Variants in KHDRBS3 observed in about 807,000 individuals in gnomAD.
KHDRBS3 encodes the protein KH domain-containing, RNA-binding, signal transduction-associated protein 3.
KHDRBS3 carries 23 observed loss-of-function variants against 45.6 expected under a neutral mutation model. The ratio of observed to expected loss-of-function variants is 0.50; its 90% CI spans 0.36 to 0.72. The LOEUF (loss-of-function observed/expected upper bound fraction) is 0.72. Ranked by LOEUF, KHDRBS3 falls within the 30% of genes least tolerant of loss-of-function variation. The pLI is 0.00. For missense variants in KHDRBS3, 352 were observed against 424.8 expected (o/e 0.83, Z 1.51); for synonymous variants, 162 against 156.5 (o/e 1.04, Z -0.26).
chr8:135,504,083 T>G (rs1347717799), intron 1 of KHDRBS3, among the ~76,000 whole-genome samples: 1 of 152,138 alleles, frequency 6.6e-6, no homozygotes, highest in African/African-American at 2.4e-5. Context: ...CTGACTTGCT[T>G]TTTGCTTTTT....
intron 1 of KHDRBS3, among the ~76,000 whole-genome samples, chr8:135,485,390 G>C (rs186026813): frequency 3.2e-4 from 49 of 152,254 alleles, no homozygotes; most frequent in African/African-American, 1.1e-3. Flanking sequence ...GAGTTTGCCA[G>C]GTATCTACAC....
chr8:135,633,111 G>T (rs143957216), intron 7 of KHDRBS3, among the ~76,000 whole-genome samples: 1 of 152,236 alleles, frequency 6.6e-6, no homozygotes, highest in Non-Finnish European at 1.5e-5. Flanking sequence ...ATAGTTTATT[G>T]TCTGTCTTTC....
intron 5 of KHDRBS3, among the ~76,000 whole-genome samples, chr8:135,562,582 A>G (rs1827220735): frequency 6.6e-6 from 1 of 152,208 alleles, no homozygotes; most frequent in African/African-American, 2.4e-5. Context: ...GGTGGTAACT[A>G]ATGCCCAACT....
At chr8:135,521,405 G>T in intron 2 of KHDRBS3, 50 bp downstream of exon 2, 1 of 976,526 alleles carries the variant, frequency 1.0e-6, no homozygotes, top group South Asian at 1.4e-5. Flanking sequence ...AATCAAAGGG[G>T]AGCAGATGTT....
intron 1 of KHDRBS3, among the ~76,000 whole-genome samples, chr8:135,502,659 C>T (rs73371493): frequency 6.6e-6 from 1 of 152,262 alleles, no homozygotes; most frequent in African/African-American, 2.4e-5. Context: ...GTTTATTGAG[C>T]TCAGCGATGC....
At chr8:135,478,743 C>A (rs1246888464) in intron 1 of KHDRBS3, among the ~76,000 whole-genome samples, 1 of 152,108 alleles carries the variant, frequency 6.6e-6, no homozygotes, top group Non-Finnish European at 1.5e-5. Context: ...CAAAAAAGAA[C>A]TCATAAGTGA....
At chr8:135,522,456 T>C (rs1475829662) in intron 2 of KHDRBS3, among the ~76,000 whole-genome samples, 1 of 152,244 alleles carries the variant, frequency 6.6e-6, no homozygotes, top group African/African-American at 2.4e-5. Flanking sequence ...AAAATTGTTG[T>C]GTATTTAGTA....
chr8:135,542,703 G>T lies in KHDRBS3; in HGVS notation c.257G>T (p.Arg86Leu). 1.2e-6 allele frequency: 2 copies of T among 1,613,796 alleles called. No individual in the cohort carries two copies. The highest frequency in any genetic ancestry group is 1.7e-6 in the Non-Finnish European group (2 of 1,179,816). ...GGTCCACGTGGCAATTCTCTGAAGC[G>T]TTTACAAGAAGAAACCTTGACAAAA... ...LLGPRGNSLK[R>L]LQEETLTKMS... is the part of the protein sequence containing the mutation. The change falls in exon 3 of 9, where the codon CGT becomes CTT. Residue 86 changes from arginine to leucine, a missense_variant. Arg to Leu is a moderately radical substitution (Grantham distance 102). Coordinates refer to ENST00000355849, the MANE Select transcript of KHDRBS3 (RefSeq NM_006558.3).
intron 7 of KHDRBS3, among the ~76,000 whole-genome samples, chr8:135,636,164 G>A (rs905530999): frequency 7.2e-5 from 11 of 152,168 alleles, no homozygotes; most frequent in African/African-American, 2.7e-4. Context: ...GGAAAAGGCA[G>A]CTAGTTGGCC....
chr8:135,584,694 G>C (rs1193704759), intron 6 of KHDRBS3, among the ~76,000 whole-genome samples: 1 of 152,142 alleles, frequency 6.6e-6, no homozygotes, highest in Non-Finnish European at 1.5e-5. Flanking sequence ...CCTTCAGCTT[G>C]CTTACAGTGG....
At chr8:135,493,233 C>T (rs539383489) in intron 1 of KHDRBS3, among the ~76,000 whole-genome samples, 1 of 152,094 alleles carries the variant, frequency 6.6e-6, no homozygotes, top group African/African-American at 2.4e-5. Flanking sequence ...TTGTTGTAGA[C>T]TCCTTCGGAT....
At chr8:135,533,870 G>A (rs1825602232) in intron 2 of KHDRBS3, among the ~76,000 whole-genome samples, 1 of 152,018 alleles carries the variant, frequency 6.6e-6, no homozygotes, top group South Asian at 2.1e-4. Flanking sequence ...CCTATAGTTG[G>A]GCAAAATCAT....
chr8:135,481,673 A>G (rs187859073), intron 1 of KHDRBS3, among the ~76,000 whole-genome samples: 1 of 152,352 alleles, frequency 6.6e-6, no homozygotes, highest in African/African-American at 2.4e-5. Flanking sequence ...GAGTTAATCA[A>G]CATTTTAAAG....
intron 7 of KHDRBS3, among the ~76,000 whole-genome samples, chr8:135,634,535 A>T (rs910402451): frequency 7.9e-5 from 12 of 152,196 alleles, no homozygotes; most frequent in East Asian, 5.8e-4. Context: ...TCCTAAAGAA[A>T]ATTATTTATT....
chr8:135,538,910 A>G (rs963258834), intron 2 of KHDRBS3: 4 of 152,152 alleles, frequency 2.6e-5, no homozygotes, highest in Admixed American at 6.5e-5. Flanking sequence ...AGCTTGAAGG[A>G]TTTTTTCTTT....
intron 1 of KHDRBS3, among the ~76,000 whole-genome samples, chr8:135,506,255 T>C (rs899100988): frequency 6.6e-6 from 1 of 152,080 alleles, no homozygotes; most frequent in Non-Finnish European, 1.5e-5. Flanking sequence ...AACTAGTGAC[T>C]GGGGATAAGA....
Position 135,619,364 on chromosome 8 carries a change from G to T in KHDRBS3, c.890+12327G>T, listed in dbSNP as rs1253635620. Reference sequence around the variant, plus strand: ...ACATTGCTAAATTTTAGAGACATTGGAAATAAAAAATACATGTAGGTATAT... The same window carrying T: ...ACATTGCTAAATTTTAGAGACATTGTAAATAAAAAATACATGTAGGTATAT... On this transcript the variant is annotated intron_variant, in intron 7 of 8. Transcript: ENST00000355849. Among the ~76,000 whole-genome samples, 4 of 151,548 alleles carry T rather than the reference G, an allele frequency of 2.6e-5. No individual in the cohort carries two copies. The East Asian group carries it at 5.8e-4, about 22-fold the overall frequency.
intron 8 of KHDRBS3, among the ~76,000 whole-genome samples, chr8:135,645,992 A>ATTTTTTTTTTT (rs57082119): frequency 4.0e-5 from 4 of 100,688 alleles, no homozygotes; most frequent in African/African-American, 8.1e-5. Flanking sequence ...TGCACCTTGG[A>ATTTTTTTTTTT]TTTTTTTTTT....
intron 7 of KHDRBS3, among the ~76,000 whole-genome samples, chr8:135,619,948 A>T (rs1175287329): frequency 2.6e-5 from 4 of 152,240 alleles, no homozygotes; most frequent in Non-Finnish European, 4.4e-5. Flanking sequence ...CAGCCTTGGC[A>T]GTTTCTAATC....
Sources: gnomAD v4.1 joint callset for allele counts (sites outside exome capture counted in the v4.1 genomes callset) on GRCh38, gnomAD v4.1.1 for gene constraint, MANE v1.5 for transcripts, NCBI Gene and HGNC (gene_info 2026-07-23, HGNC 2026-07-21) for gene names.